MEIS2: variants seen among roughly 807,000 people sequenced by gnomAD.
MEIS2 encodes the protein Meis homeobox 2.
MEIS2 carries 9 observed loss-of-function variants against 58.6 expected under a neutral mutation model. The observed-to-expected ratio is 0.15, with a 90% CI of 0.09 to 0.27. The LOEUF (loss-of-function observed/expected upper bound fraction) is 0.27. Ranked by LOEUF, MEIS2 falls within the 10% of genes least tolerant of loss-of-function variation. MEIS2 has a pLI of 1.00. For missense variants in MEIS2, 427 were observed against 635.0 expected (o/e 0.67, Z 3.52); for synonymous variants, 221 against 228.4 (o/e 0.97, Z 0.29).
At chr15:37,042,882 G>T (rs1458201982) in intron 7 of MEIS2, among the ~76,000 whole-genome samples, 1 of 152,214 alleles carries the variant, frequency 6.6e-6, no homozygotes, top group Non-Finnish European at 1.5e-5. Context: ...GTCCAGAGAT[G>T]CTACCAATAT....
intron 8 of MEIS2, among the ~76,000 whole-genome samples, chr15:37,032,298 C>T (rs983149506): frequency 1.3e-5 from 2 of 152,160 alleles, no homozygotes; most frequent in Middle Eastern, 3.2e-3. Context: ...ATTTGCAGCA[C>T]AACTGGAGGA....
At chr15:37,061,090 C>T (rs919085502) in intron 7 of MEIS2, among the ~76,000 whole-genome samples, 4 of 152,230 alleles carry the variant, frequency 2.6e-5, no homozygotes, top group East Asian at 1.9e-4. Context: ...TTAGGGGGTG[C>T]GGCTACCCAA....
intron 8 of MEIS2, among the ~76,000 whole-genome samples, chr15:37,025,753 C>CAAAAAA (rs35154978): frequency 2.1e-5 from 2 of 96,834 alleles, no homozygotes; most frequent in East Asian, 2.5e-4. Flanking sequence ...ACTTGCTCTG[C>CAAAAAA]AAAAAAAAAA....
chr15:36,903,642 CCT>C (rs1232079219), intron 9 of MEIS2, among the ~76,000 whole-genome samples: 1 of 152,164 alleles, frequency 6.6e-6, no homozygotes, highest in Non-Finnish European at 1.5e-5. Context: ...TTTCTAATTA[CCT>C]ATTCTGTATC....
At chr15:37,062,720 A>G (rs1889391394) in intron 7 of MEIS2, among the ~76,000 whole-genome samples, 1 of 152,090 alleles carries the variant, frequency 6.6e-6, no homozygotes, top group Non-Finnish European at 1.5e-5. Flanking sequence ...ACATATAAGG[A>G]CCCCTGAAGA....
At chr15:36,898,947 A>T (rs1049675763) in intron 9 of MEIS2, among the ~76,000 whole-genome samples, 4 of 152,192 alleles carry the variant, frequency 2.6e-5, no homozygotes, top group Non-Finnish European at 5.9e-5. Flanking sequence ...CATGGCATGG[A>T]CTGGATGTTC....
intron 8 of MEIS2, among the ~76,000 whole-genome samples, chr15:36,994,832 G>A (rs1391347106): frequency 6.6e-6 from 1 of 152,118 alleles, no homozygotes; most frequent in Non-Finnish European, 1.5e-5. Context: ...ATCTTTACAT[G>A]AATAATATCC....
chr15:36,895,050 G>T, intron 11 of MEIS2, 101 bp downstream of exon 11: 1 of 1,080,154 alleles, frequency 9.3e-7, no homozygotes. Context: ...GCAGGCAAAT[G>T]TTAAACCCAC....
intron 7 of MEIS2, among the ~76,000 whole-genome samples, chr15:37,077,731 G>A (rs1891602138): frequency 6.6e-6 from 1 of 151,892 alleles, no homozygotes; most frequent in Non-Finnish European, 1.5e-5. Context: ...GAGGGGGAAG[G>A]GGGCGCGGCA....
At chr15:37,075,976 A>C (rs1218611999) in intron 7 of MEIS2, among the ~76,000 whole-genome samples, 2 of 151,940 alleles carry the variant, frequency 1.3e-5, no homozygotes, top group African/African-American at 4.8e-5. Context: ...AAAGTGGTTC[A>C]CTTTCATTTT....
chr15:36,892,122 G>A lies in MEIS2; in HGVS notation c.*51C>T. Reference sequence around the variant, plus strand: ...TCAACATCTGGTCAAAGTTCAGAAAGTCTTAAAATAGTTTTTGCGTGTGTT... The same window carrying A: ...TCAACATCTGGTCAAAGTTCAGAAAATCTTAAAATAGTTTTTGCGTGTGTT... On this transcript the variant is annotated 3_prime_UTR_variant, in exon 12 of 12. Transcript: ENST00000561208. 6 of 1,580,230 alleles carry A rather than the reference G, an allele frequency of 3.8e-6. No homozygotes were observed. Among genetic ancestry groups the A allele is most frequent in the Admixed American group, 1.7e-5 (1 of 59,284 alleles).
At chr15:36,923,570 G>A (rs1782073116) in intron 9 of MEIS2, among the ~76,000 whole-genome samples, 1 of 152,184 alleles carries the variant, frequency 6.6e-6, no homozygotes, top group African/African-American at 2.4e-5. Context: ...CATTAATACA[G>A]TAATAATCCT....
intron 7 of MEIS2, among the ~76,000 whole-genome samples, chr15:37,070,330 G>A (rs569851317): frequency 6.6e-6 from 1 of 152,250 alleles, no homozygotes; most frequent in East Asian, 1.9e-4. Context: ...GATGCAGGAA[G>A]ACTCCCTACA....
intron 9 of MEIS2, chr15:36,898,528 A>G (rs2056303790): frequency 6.6e-6 from 1 of 151,924 alleles, no homozygotes; most frequent in African/African-American, 2.4e-5. Flanking sequence ...GGTATAGGCT[A>G]ACTCTTCGGG....
rs571669280 is a variant in MEIS2 at position 37,040,540 on chromosome 15, C to A, written c.755-3581G>T. Among the ~76,000 whole-genome samples the A allele has an allele frequency of 3.9e-5, 6 of 152,226 alleles. No homozygotes were observed. The South Asian group carries it at 1.2e-3, about 32-fold the overall frequency. On this transcript the variant is annotated intron_variant, in intron 7 of 11. Coordinates refer to ENST00000561208, the MANE Select transcript of MEIS2 (RefSeq NM_170675.5). The stretch of plus-strand genomic sequence containing the variant: ...CAGAGCTTCTTTGAAGAGCTGAGTA[C>A]CCACAGGGCTTTTTTGCAGAGCTAA...
intron 8 of MEIS2, among the ~76,000 whole-genome samples, chr15:36,968,367 G>T (rs1037563053): frequency 9.2e-5 from 14 of 152,102 alleles, no homozygotes; most frequent in African/African-American, 3.1e-4. Flanking sequence ...AAAAATAGGG[G>T]TTGAAATAAA....
intron 7 of MEIS2, among the ~76,000 whole-genome samples, chr15:37,056,790 C>A (rs76842054): frequency 0.023 from 3,506 of 152,262 alleles, 130 homozygotes; most frequent in African/African-American, 0.08. Context: ...CTTCAACAGG[C>A]GGGGGCCCTG....
At chr15:37,062,889 A>G (rs1201583469) in intron 7 of MEIS2, among the ~76,000 whole-genome samples, 4 of 152,194 alleles carry the variant, frequency 2.6e-5, no homozygotes, top group Admixed American at 1.3e-4. Context: ...TGACACTTGA[A>G]ATGATGTCAG....
Position 37,083,751 on chromosome 15 carries a change from G to A in MEIS2, c.754+20C>T. On this transcript the variant is annotated intron_variant, in intron 7 of 11. Transcript: ENST00000561208. ...TTTAGTCATGCCTACTTTGCACGAGGAAAATGTTTGACCTTTTACCTTGCT... is the reference window on the plus strand; with the variant it reads ...TTTAGTCATGCCTACTTTGCACGAGAAAAATGTTTGACCTTTTACCTTGCT... The A allele has an allele frequency of 6.2e-7, 1 of 1,601,056 alleles. No homozygotes were observed. Among genetic ancestry groups the A allele is most frequent in the Non-Finnish European group, 8.5e-7 (1 of 1,170,604 alleles).
Sources: gnomAD v4.1 joint callset for allele counts (sites outside exome capture counted in the v4.1 genomes callset) on GRCh38, gnomAD v4.1.1 for gene constraint, MANE v1.5 for transcripts, NCBI Gene and HGNC (gene_info 2026-07-23, HGNC 2026-07-21) for gene names.